The following PHC2 variants were observed in gnomAD, a reference collection of about 807,000 sequenced individuals.
The protein encoded by PHC2 is polyhomeotic-like protein 2.
Under a neutral mutation model 87.4 loss-of-function variants are expected in PHC2, and 29 were observed. The ratio of observed to expected loss-of-function variants is 0.33; its 90% confidence interval spans 0.25 to 0.45. PHC2 has a LOEUF of 0.45. Ranked by LOEUF, PHC2 falls within the 20% of genes least tolerant of loss-of-function variation. PHC2 has a pLI of 1.00. For missense variants in PHC2, 857 were observed against 1,136.7 expected (o/e 0.75, Z 3.54); for synonymous variants, 438 against 461.7 (o/e 0.95, Z 0.66).
rs1327168452 is a variant in PHC2, at chr1:33,368,555, C to T, written c.644G>A (p.Arg215Gln). ...QPELGTGSPA[R>Q]PPTPAQVQNL... is the part of the protein sequence containing the mutation. ...CCTCACCTGGGCGGGGGTGGGGGGCCGGGCGGGGGAGCCAGTGCCGAGCTC... is the reference window on the plus strand; with the variant it reads ...CCTCACCTGGGCGGGGGTGGGGGGCTGGGCGGGGGAGCCAGTGCCGAGCTC... The change falls in exon 6 of 15, where the codon CGG becomes CAG. Residue 215 changes from arginine (R) to glutamine (Q), a missense_variant. Arg to Gln is a conservative substitution (Grantham distance 43). Transcript: ENST00000683057. This position sits in a 1 kb window ranked among gnomAD's most constrained non-coding sequence, Gnocchi z 6.6. 11 of 1,537,190 alleles carry T rather than the reference C, an allele frequency of 7.2e-6. No individual in the cohort carries two copies. Among genetic ancestry groups the T allele is most frequent in the East Asian group, 4.9e-5 (2 of 40,616 alleles).
At chr1:33,345,659 G>C (rs1223034266) in intron 9 of PHC2, 1 of 984,488 alleles carries the variant, frequency 1.0e-6, no homozygotes, top group Non-Finnish European at 1.2e-6. Flanking sequence ...TCTTGACTAT[G>C]ATAAAAGAGC....
intron 1 of PHC2, among the ~76,000 whole-genome samples, chr1:33,391,470 G>C (rs755532519): frequency 2.0e-5 from 3 of 152,122 alleles, no homozygotes; most frequent in Non-Finnish European, 2.9e-5. Flanking sequence ...TTTGAGCCTT[G>C]TTAGGCTCAC....
At chr1:33,392,606 C>T (rs920100327) in intron 1 of PHC2, 4 of 152,136 alleles carry the variant, frequency 2.6e-5, no homozygotes, top group African/African-American at 9.7e-5. Context: ...CTAGCTTTGC[C>T]ATTATTCTAA....
intron 9 of PHC2, chr1:33,347,447 G>A (rs1646865268): frequency 1.0e-6 from 1 of 985,360 alleles, no homozygotes; most frequent in Non-Finnish European, 1.2e-6. Context: ...CTTGACAAAG[G>A]TAAATTAAAA....
At chr1:33,351,212 T>C (rs552007034) in intron 9 of PHC2, among the ~76,000 whole-genome samples, 5 of 152,342 alleles carry the variant, frequency 3.3e-5, no homozygotes, top group South Asian at 2.1e-4. Context: ...TGTGTTCCAA[T>C]AGAACTTTAT....
intron 7 of PHC2, among the ~76,000 whole-genome samples, chr1:33,366,323 G>A (rs1027144617): frequency 2.0e-5 from 3 of 152,204 alleles, no homozygotes; most frequent in African/African-American, 7.2e-5. Context: ...GATAGGCCTG[G>A]CTTCTTGGGC....
rs1031440096 is a variant in PHC2, at chr1:33,331,846, A to G, written c.1892-384T>C. The G allele has an allele frequency of 3.5e-6, 1 of 288,876 alleles. No homozygotes were observed. Among genetic ancestry groups the G allele is most frequent in the African/African-American group, 2.2e-5 (1 of 46,402 alleles). 17.9% of individuals were successfully genotyped at this position (288,876 alleles called of 1,614,324 possible). A position where few individuals can be genotyped will look rare whatever the true frequency, so the allele number is the denominator to read the frequency against. On this transcript the variant is annotated intron_variant, in intron 11 of 14. Coordinates refer to ENST00000683057, the MANE Select transcript of PHC2 (RefSeq NM_001385109.1). This position sits in a 1 kb window ranked among gnomAD's most constrained non-coding sequence, Gnocchi z 5.2. ...TATGCAGCTGGCTGCTGACCCAGTA[A>G]AAGACCTCAGGAGCCCACGCTCCTG...
rs34902529 is a variant in PHC2 at position 33,364,359 on chromosome 1, G to GACACACAC, written c.976+2749_976+2756dup. On this transcript the variant is annotated intron_variant, in intron 7 of 14. Coordinates refer to ENST00000683057, the MANE Select transcript of PHC2 (RefSeq NM_001385109.1). The surrounding 1 kb of genome is among the most constrained non-coding windows in gnomAD (Gnocchi z 4.1). Reference sequence around the variant, plus strand: ...GCGCTCGCTTGCTTTCTCTCTCCCAGACACACACACACACACACACACACT... The same window carrying GACACACAC: ...GCGCTCGCTTGCTTTCTCTCTCCCAGACACACACACACACACACACACACACACACACT... 1.4e-5 allele frequency among the ~76,000 whole-genome samples: 2 copies of GACACACAC among 145,726 alleles called. No individual in the cohort carries two copies. The highest frequency in any genetic ancestry group is 3.0e-5 in the Non-Finnish European group (2 of 66,362).
intron 1 of PHC2, among the ~76,000 whole-genome samples, chr1:33,412,290 T>C (rs1333101731): frequency 6.6e-6 from 1 of 152,198 alleles, no homozygotes; most frequent in African/African-American, 2.4e-5. Flanking sequence ...ACAATTATAA[T>C]TAGTAACTGG....
rs1570446580 is a variant in PHC2, at chr1:33,332,854, A to C, written c.1762-450T>G. Among the ~76,000 whole-genome samples, 1 of 152,080 alleles carries C rather than the reference A, an allele frequency of 6.6e-6. No homozygotes were observed. The highest frequency in any genetic ancestry group is 1.5e-5 in the Non-Finnish European group (1 of 68,010). On this transcript the variant is annotated intron_variant, in intron 10 of 14. Transcript: ENST00000683057. This position sits in a 1 kb window ranked among gnomAD's most constrained non-coding sequence, Gnocchi z 4.2. ...GTTCTCCACCTTACCCCAATGCCTG[A>C]CCCAAGCCAGAGGTACAGGCCGCCA...
chr1:33,353,042 C>T (rs1042821484), intron 9 of PHC2, among the ~76,000 whole-genome samples: 1 of 152,156 alleles, frequency 6.6e-6, no homozygotes, highest in Non-Finnish European at 1.5e-5. Context: ...CTGAAACAGG[C>T]CTCTAAAGAC....
At chr1:33,371,228 T>C in intron 3 of PHC2, 134 bp from the exon 4 acceptor site, 1 of 701,386 alleles carries the variant, frequency 1.4e-6, no homozygotes, top group Non-Finnish European at 2.6e-6. Flanking sequence ...CCAACCTGCC[T>C]CTATGTGGCC....
chr1:33,427,233 C>G (rs565096462), intron 1 of PHC2, among the ~76,000 whole-genome samples: 1 of 152,142 alleles, frequency 6.6e-6, no homozygotes, highest in Non-Finnish European at 1.5e-5. Flanking sequence ...GAGCTTAGCA[C>G]GATGCCTAGC....
Position 33,349,433 on chromosome 1 carries a change from A to G in PHC2, c.1558+4968T>C. ...GGCGAGCGAGGCTGGGGAGCAGGGCACCTCCCAGGCGCCGCGCGGACGAGA... is the reference window on the plus strand; with the variant it reads ...GGCGAGCGAGGCTGGGGAGCAGGGCGCCTCCCAGGCGCCGCGCGGACGAGA... On this transcript the variant is annotated intron_variant, in intron 9 of 14. Coordinates refer to ENST00000683057, the MANE Select transcript of PHC2 (RefSeq NM_001385109.1). This position sits in a 1 kb window ranked among gnomAD's most constrained non-coding sequence, Gnocchi z 4.2. The G allele has an allele frequency of 1.0e-6, 1 of 984,380 alleles. No individual in the cohort carries two copies. Among genetic ancestry groups the G allele is most frequent in the Non-Finnish European group, 1.2e-6 (1 of 829,638 alleles). 61.0% of individuals were successfully genotyped at this position (984,380 alleles called of 1,614,324 possible). A position where few individuals can be genotyped will look rare whatever the true frequency, so the allele number is the denominator to read the frequency against.
At chr1:33,375,690 G>A in intron 1 of PHC2, 97 bp from the exon 2 acceptor site, 1 of 703,120 alleles carries the variant, frequency 1.4e-6, no homozygotes, top group Non-Finnish European at 2.2e-6. Flanking sequence ...CACATCCATG[G>A]ATTCAACCAA....
chr1:33,367,337 AG>A lies in PHC2; in HGVS notation c.754del (p.Leu252Ter). On this transcript the variant is annotated frameshift_variant, in exon 7 of 15. Transcript: ENST00000683057. LOFTEE classifies it high-confidence loss of function. ...PTQPVLPSLA[L>X]KPTPGGSQPL... ...CTGGCTACCGCCCGGCGTGGGTTTCAGGGCCAAGCTGGGCAGGACAGGCTGA... is the reference window on the plus strand; with the variant it reads ...CTGGCTACCGCCCGGCGTGGGTTTCAGGCCAAGCTGGGCAGGACAGGCTGA... 1 of 1,613,204 alleles carries A rather than the reference AG, an allele frequency of 6.2e-7. No individual in the cohort carries two copies. Among genetic ancestry groups the A allele is most frequent in the African/African-American group, 1.3e-5 (1 of 75,028 alleles).
rs1414377905 is a variant in PHC2, at chr1:33,334,270, A to T, written c.1581T>A (p.His527Gln). The T allele has an allele frequency of 1.9e-6, 3 of 1,612,870 alleles. No homozygotes were observed. ...CGGGGCTGCTGAGGTCGGTCAGTGCATGAACAATGCCCTGCCCTGTCTCTG... is the reference window on the plus strand; with the variant it reads ...CGGGGCTGCTGAGGTCGGTCAGTGCTTGAACAATGCCCTGCCCTGTCTCTG... ...PAHETGQGIV[H>Q]ALTDLSSPGM... Residue 527 changes from histidine (H) to glutamine (Q), a missense_variant, in exon 10 of 15, where the codon CAT (histidine) becomes CAA (glutamine). This residue lies in a region of PHC2 where 832 missense variants were observed against 1,081.8 expected (regional missense o/e 0.77). Coordinates refer to ENST00000683057, the MANE Select transcript of PHC2 (RefSeq NM_001385109.1). The surrounding 1 kb of genome is among the most constrained non-coding windows in gnomAD (Gnocchi z 5.5).
chr1:33,408,320 A>C (rs1424883208), intron 1 of PHC2, among the ~76,000 whole-genome samples: 3 of 152,216 alleles, frequency 2.0e-5, no homozygotes, highest in Admixed American at 6.5e-5. Context: ...TTTGAATTGT[A>C]TGAATTTATT....
In PHC2 at chr1:33,368,944, G is replaced by A. The variant is rs988721893; in HGVS notation, c.577-322C>T. Among the ~76,000 whole-genome samples the A allele has an allele frequency of 2.6e-5, 4 of 152,070 alleles. No individual in the cohort carries two copies. Among genetic ancestry groups the A allele is most frequent in the Non-Finnish European group, 5.9e-5 (4 of 67,986 alleles). On this transcript the variant is annotated intron_variant, in intron 5 of 14. Transcript: ENST00000683057. This position sits in a 1 kb window ranked among gnomAD's most constrained non-coding sequence, Gnocchi z 6.6. ...GTTCCCTTCAGAACCCTCTGTGAGG[G>A]GCTCATCCTAGAGGAGACCGATATC... is the stretch of plus-strand genomic sequence containing the variant.
Sources: allele counts gnomAD v4.1 joint callset (sites outside exome capture counted in the v4.1 genomes callset), GRCh38; gene constraint gnomAD v4.1.1; regional missense constraint gnomAD v4.1.1; non-coding constraint Gnocchi (gnomAD v3.1); transcripts MANE v1.5; gene names NCBI Gene and HGNC (gene_info 2026-07-23, HGNC 2026-07-21).